SORL1: variants seen among roughly 807,000 people sequenced by gnomAD.
SORL1 encodes sortilin-related receptor.
Under a neutral mutation model 273.7 loss-of-function variants are expected in SORL1, and 127 were observed. The ratio of observed to expected loss-of-function variants is 0.46; its 90% confidence interval spans 0.40 to 0.54. The LOEUF (loss-of-function observed/expected upper bound fraction) is 0.54. Among genes scored for constraint, SORL1 ranks in the 20% least tolerant of loss-of-function variants. SORL1 has a pLI of 0.00. For missense variants in SORL1, 2,494 were observed against 2,846.1 expected, an observed-to-expected ratio of 0.88 and a Z score of 2.81; for synonymous variants, 1,031 against 1,067.4, an observed-to-expected ratio of 0.97 and a Z score of 0.66.
At chr11:121,614,802 T>A in intron 40 of SORL1, 69 bp from the exon 41 acceptor site, 1 of 1,278,316 alleles carries the variant, frequency 7.8e-7, no homozygotes, top group Non-Finnish European at 1.1e-6. Context: ...AAAAAGTGCA[T>A]GTACCAAGAC....
chr11:121,466,489 G>A (rs971650960), intron 1 of SORL1, among the ~76,000 whole-genome samples: 2 of 152,178 alleles, frequency 1.3e-5, no homozygotes, highest in Admixed American at 6.5e-5. Context: ...GGCTGCTGGT[G>A]TCTTGGCCAC....
rs1863719549 is a variant in SORL1 at position 121,621,224 on chromosome 11, T to G, written c.6050T>G (p.Ile2017Arg). The change falls in exon 44 of 48, where the codon ATA becomes AGA. Residue 2017 changes from isoleucine to arginine, a missense_variant. By Grantham distance (97) the Ile-to-Arg change is moderately conservative (BLOSUM62 -3). Coordinates refer to ENST00000260197, the MANE Select transcript of SORL1 (RefSeq NM_003105.6). ...GGGAACATGAGCAAAGATTCCAGCA[T>G]AAAAATTACCACAGGTAAGCAGGAG... ...QLGNMSKDSSIKITTVSLSAP... is the reference protein window; with the variant it reads ...QLGNMSKDSSRKITTVSLSAP... The G allele has an allele frequency of 6.2e-7, 1 of 1,613,862 alleles. No individual in the cohort carries two copies. Among genetic ancestry groups the G allele is most frequent in the African/African-American group, 1.3e-5 (1 of 74,922 alleles).
At chr11:121,499,358 A>G (rs1861677990) in intron 6 of SORL1, among the ~76,000 whole-genome samples, 1 of 152,112 alleles carries the variant, frequency 6.6e-6, no homozygotes, top group Non-Finnish European at 1.5e-5. Context: ...CACCACTGAG[A>G]GGTGTTTCCC....
chr11:121,469,205 G>A (rs1029668757), intron 1 of SORL1, among the ~76,000 whole-genome samples: 13 of 152,192 alleles, frequency 8.5e-5, no homozygotes, highest in African/African-American at 2.4e-4. Context: ...GGGCCAGGCC[G>A]ATAGTGGCCC....
intron 3 of SORL1, among the ~76,000 whole-genome samples, chr11:121,482,416 T>G (rs1179232793): frequency 6.6e-6 from 1 of 152,182 alleles, no homozygotes; most frequent in Admixed American, 6.5e-5. Context: ...GGCTGCCTTC[T>G]TGGAGAATTT....
chr11:121,625,026 A>G, intron 45 of SORL1, 59 bp from the exon 46 acceptor site: 1 of 1,293,186 alleles, frequency 7.7e-7, no homozygotes, highest in Non-Finnish European at 1.1e-6. Context: ...GGAACCAGTA[A>G]TAGAGGCTGT....
chr11:121,582,783 T>G (rs12292354), intron 25 of SORL1, among the ~76,000 whole-genome samples: 4,921 of 152,348 alleles, frequency 0.032, 268 homozygotes, highest in African/African-American at 0.11. Context: ...TTCTTAGGCC[T>G]GCTTTCTTTG....
intron 24 of SORL1, among the ~76,000 whole-genome samples, chr11:121,576,104 C>G (rs67140863): frequency 0.42 from 64,465 of 152,128 alleles, 14,722 homozygotes; most frequent in East Asian, 0.78. Context: ...TGTTTTCTGA[C>G]GCTCTGTAAA....
At chr11:121,555,695 C>T (rs1371872127) in intron 18 of SORL1, among the ~76,000 whole-genome samples, 10 of 152,100 alleles carry the variant, frequency 6.6e-5, no homozygotes, top group Non-Finnish European at 1.5e-4. Context: ...AATGCTATAA[C>T]AATAATCGTC....
rs2134909454 is a variant in SORL1 at position 121,558,690 on chromosome 11, G to A, written c.2763G>A (p.Lys921=). Reference sequence around the variant, plus strand: ...ATCACCTGGTGTCTGAGGATGTGAAGTGGCCCAATGGCATCTCTGTGGACG... The same window carrying A: ...ATCACCTGGTGTCTGAGGATGTGAAATGGCCCAATGGCATCTCTGTGGACG... The part of the protein sequence containing the change: ...AAYHLVSEDV[K]WPNGISVDDQ... The change falls in exon 20 of 48, where the codon AAG becomes AAA. Residue 921 remains lysine (K), a synonymous_variant. Coordinates refer to ENST00000260197, the MANE Select transcript of SORL1 (RefSeq NM_003105.6). 1 of 1,614,162 alleles carries A rather than the reference G, an allele frequency of 6.2e-7. No homozygotes were observed. Among genetic ancestry groups the A allele is most frequent in the East Asian group, 2.2e-5 (1 of 44,882 alleles).
intron 4 of SORL1, among the ~76,000 whole-genome samples, 195 bp from the exon 5 acceptor site, chr11:121,489,848 C>A (rs1269480579): frequency 6.6e-6 from 1 of 152,224 alleles, no homozygotes; most frequent in Non-Finnish European, 1.5e-5. Flanking sequence ...ATTGAGAGAA[C>A]ACATAGGTAC....
At chr11:121,482,989 A>G (rs1016494748) in intron 3 of SORL1, among the ~76,000 whole-genome samples, 1 of 152,196 alleles carries the variant, frequency 6.6e-6, no homozygotes, top group African/African-American at 2.4e-5. Flanking sequence ...GCTGCCCTGA[A>G]CCATTGTGCA....
At chr11:121,576,421 T>C (rs1395991353) in intron 24 of SORL1, among the ~76,000 whole-genome samples, 2 of 152,200 alleles carry the variant, frequency 1.3e-5, no homozygotes, top group African/African-American at 4.8e-5. Context: ...CTAATCCTAT[T>C]CATGAGGGCT....
In SORL1 at chr11:121,452,566, A is replaced by C; in HGVS notation, c.235A>C (p.Arg79=). The C allele has an allele frequency of 6.6e-7, 1 of 1,518,444 alleles. No individual in the cohort carries two copies. Among genetic ancestry groups the C allele is most frequent in the Non-Finnish European group, 8.8e-7 (1 of 1,140,774 alleles). 94.1% of individuals were successfully genotyped at this position (1,518,444 alleles called of 1,614,324 possible). Reference sequence around the variant, plus strand: ...CCGCGCGGACGAGAAGCCGCTCCGGAGGAAACGGAGCGCTGCCCTGCAGCC... The same window carrying C: ...CCGCGCGGACGAGAAGCCGCTCCGGCGGAAACGGAGCGCTGCCCTGCAGCC... ...ASRADEKPLR[R]KRSAALQPEP... Residue 79 remains arginine (R), a synonymous_variant, in exon 1 of 48, where the codon AGG becomes CGG. Transcript: ENST00000260197. This position sits in a 1 kb window ranked among gnomAD's most constrained non-coding sequence, Gnocchi z 5.3.
intron 5 of SORL1, among the ~76,000 whole-genome samples, chr11:121,493,720 G>C (rs540087909): frequency 6.6e-6 from 1 of 152,102 alleles, no homozygotes; most frequent in Non-Finnish European, 1.5e-5. Context: ...ACTTTTACTT[G>C]TAATTTTAGT....
Position 121,621,049 on chromosome 11 carries a change from CT to C in SORL1, c.5890-9del. The C allele has an allele frequency of 3.2e-6, 5 of 1,569,650 alleles. No homozygotes were observed. Among genetic ancestry groups the C allele is most frequent in the Non-Finnish European group, 4.4e-6 (5 of 1,148,692 alleles). On this transcript the variant is annotated splice_polypyrimidine_tract_variant and intron_variant, in intron 43 of 47. Transcript: ENST00000260197. Reference sequence around the variant, plus strand: ...ACTTTCTGATTATCATTCACTTGTTCTTTTTTGGTCCTAGTTGTATGCAGTT... The same window carrying C: ...ACTTTCTGATTATCATTCACTTGTTCTTTTTGGTCCTAGTTGTATGCAGTT...
intron 44 of SORL1, among the ~76,000 whole-genome samples, chr11:121,621,956 A>G (rs901654881): frequency 3.5e-4 from 53 of 152,364 alleles, no homozygotes; most frequent in African/African-American, 1.2e-3. Flanking sequence ...TTTCTTGGCT[A>G]AAGATGTTAT....
At chr11:121,463,303 T>A (rs1020211484) in intron 1 of SORL1, among the ~76,000 whole-genome samples, 6 of 152,184 alleles carry the variant, frequency 3.9e-5, no homozygotes, top group African/African-American at 1.4e-4. Context: ...GATATTATGT[T>A]CATGAGAAAG....
At chr11:121,485,800 G>GT (rs965705595) in intron 3 of SORL1, among the ~76,000 whole-genome samples, 4 of 152,150 alleles carry the variant, frequency 2.6e-5, no homozygotes, top group Non-Finnish European at 4.4e-5. Context: ...GATCATAATT[G>GT]TTTTTTATAA....
Sources: gnomAD v4.1 joint callset for allele counts (sites outside exome capture counted in the v4.1 genomes callset) on GRCh38, gnomAD v4.1.1 for gene constraint, Gnocchi (gnomAD v3.1) non-coding constraint, MANE v1.5 for transcripts, NCBI Gene and HGNC (gene_info 2026-07-23, HGNC 2026-07-21) for gene names.